Variants in ZNF469 observed in about 807,000 individuals in gnomAD.
ZNF469 encodes the protein zinc finger protein 469.
In ZNF469, 1 loss-of-function variant was observed where a neutral mutation model predicts 1.0. That is an observed-to-expected ratio of 1.00 (90% confidence interval 0.35 to 4.73). The LOEUF (loss-of-function observed/expected upper bound fraction) is 4.73. Ranked by LOEUF, ZNF469 falls within the 30% of genes most tolerant of loss-of-function variation. The pLI is 0.16. For synonymous variants in ZNF469, 2,703 were observed against 2,363.4 expected, an observed-to-expected ratio of 1.14 and a Z score of -4.17; for missense variants, 6,100 against 5,356.3, an observed-to-expected ratio of 1.14 and a Z score of -4.33.
chr16:88,341,685 G>C, the ZNF469 span, among the ~76,000 whole-genome samples: 2 of 152,312 alleles, frequency 1.3e-5, no homozygotes, highest in Admixed American at 6.5e-5. Flanking sequence ...TGCCATCTGC[G>C]GGGGCATGGA....
upstream of ZNF469, among the ~76,000 whole-genome samples, chr16:88,380,927 GACAC>G (rs2142256723): frequency 3.5e-5 from 1 of 28,450 alleles, no homozygotes; most frequent in Admixed American, 4.5e-4. Flanking sequence ...CACTCACACA[GACAC>G]GCACTCACAC....
the ZNF469 span, among the ~76,000 whole-genome samples, chr16:88,317,367 C>T: frequency 6.6e-6 from 1 of 152,222 alleles, no homozygotes; most frequent in Non-Finnish European, 1.5e-5. Flanking sequence ...GCGGGTGAAA[C>T]GTGGTCCTAG....
At chr16:88,315,058 T>A in the ZNF469 span, among the ~76,000 whole-genome samples, 1 of 152,260 alleles carries the variant, frequency 6.6e-6, no homozygotes, top group African/African-American at 2.4e-5. Context: ...GTAATTATGC[T>A]GAGGAAGTGT....
At chr16:88,380,756 TCACAGACGTCCTCACA>T (rs2092520375), upstream of ZNF469, among the ~76,000 whole-genome samples, 1 of 89,532 alleles carries the variant, frequency 1.1e-5, no homozygotes. Context: ...AGACATGCAC[TCACAGACGTCCTCACA>T]CACATGCACT....
the ZNF469 span, among the ~76,000 whole-genome samples, chr16:88,240,798 A>G: frequency 6.6e-6 from 1 of 152,176 alleles, no homozygotes; most frequent in African/African-American, 2.4e-5. Context: ...TGAAAAGAAA[A>G]GCCCCTTGTG....
At chr16:88,209,157 C>A in the ZNF469 span, among the ~76,000 whole-genome samples, 2 of 152,080 alleles carry the variant, frequency 1.3e-5, no homozygotes, top group Admixed American at 6.5e-5. Context: ...AAACAAAACC[C>A]TACACACACA....
Position 88,430,033 on chromosome 16 carries a change from T to C in ZNF469, c.2563T>C (p.Ser855Pro). ...TEALNGMEYQ[S>P]DNPEIDSSFI... ...GGCGCTCAACGGCATGGAGTACCAG[T>C]CGGACAACCCGGAGATCGACAGCAG... The change falls in exon 3 of 3, where the codon TCG becomes CCG. Residue 855 changes from serine to proline, a missense_variant. Transcript: ENST00000565624. 15 of 1,550,320 alleles carry C rather than the reference T, an allele frequency of 9.7e-6. No homozygotes were observed. The highest frequency in any genetic ancestry group is 1.3e-5 in the Non-Finnish European group (15 of 1,146,962).
the ZNF469 span, among the ~76,000 whole-genome samples, chr16:88,329,625 C>T: frequency 5.3e-5 from 8 of 152,310 alleles, no homozygotes; most frequent in South Asian, 2.1e-4. Context: ...ATCCTGGGAG[C>T]GCTTCGGTCC....
At chr16:88,259,723 G>A in the ZNF469 span, among the ~76,000 whole-genome samples, 4,937 of 152,178 alleles carry the variant, frequency 0.032, 117 homozygotes, top group South Asian at 0.067. This position sits in a 1 kb window ranked among gnomAD's most constrained non-coding sequence, Gnocchi z 4.1. Flanking sequence ...ATGTCCCAGG[G>A]TCTCCACACA....
the ZNF469 span, among the ~76,000 whole-genome samples, chr16:88,375,143 C>G: frequency 6.6e-6 from 1 of 152,234 alleles, no homozygotes; most frequent in Non-Finnish European, 1.5e-5. Flanking sequence ...AAATAGAATT[C>G]ATGACCAGCG....
rs1281221958 is a variant in ZNF469 at position 88,435,982 on chromosome 16, A to T, written c.8512A>T (p.Thr2838Ser). 1 of 1,547,230 alleles carries T rather than the reference A, an allele frequency of 6.5e-7. No homozygotes were observed. Among genetic ancestry groups the T allele is most frequent in the South Asian group, 1.2e-5 (1 of 83,996 alleles). The change falls in exon 3 of 3, where the codon ACT (threonine) becomes TCT (serine). Residue 2838 changes from threonine to serine, a missense_variant. Transcript: ENST00000565624. Reference sequence around the variant, plus strand: ...TGGAGTCCAGGGGCCTGAAGGCCCCACTCCTGATGCCTCTGGCTCCAGTGC... The same window carrying T: ...TGGAGTCCAGGGGCCTGAAGGCCCCTCTCCTGATGCCTCTGGCTCCAGTGC... ...QGGVQGPEGP[T>S]PDASGSSAKD...
At chr16:88,227,821 G>C in the ZNF469 span, among the ~76,000 whole-genome samples, 1 of 152,156 alleles carries the variant, frequency 6.6e-6, no homozygotes, top group Admixed American at 6.5e-5. Flanking sequence ...TGGCATCAAG[G>C]AGCCGGCCCA....
the ZNF469 span, among the ~76,000 whole-genome samples, chr16:88,148,608 T>A: frequency 6.6e-6 from 1 of 152,142 alleles, no homozygotes; most frequent in Non-Finnish European, 1.5e-5. Flanking sequence ...AGCTCCCAGG[T>A]CACTGGTGTC....
At chr16:88,308,870 G>T in the ZNF469 span, among the ~76,000 whole-genome samples, 383 of 152,260 alleles carry the variant, frequency 2.5e-3, 1 homozygote, top group Non-Finnish European at 4.1e-3. Context: ...CTGACCAGTG[G>T]CCCAGCCTCT....
the ZNF469 span, among the ~76,000 whole-genome samples, chr16:88,374,780 T>A: frequency 6.9e-6 from 1 of 144,352 alleles, no homozygotes; most frequent in East Asian, 1.9e-4. Flanking sequence ...GTATGCCAAG[T>A]GGGCTGAGAT....
At chr16:88,136,530 C>T in the ZNF469 span, among the ~76,000 whole-genome samples, 71 of 152,346 alleles carry the variant, frequency 4.7e-4, no homozygotes, top group African/African-American at 1.6e-3. Flanking sequence ...GTTGTGTGCT[C>T]CTGGTCAGCA....
chr16:88,153,260 C>T, the ZNF469 span, among the ~76,000 whole-genome samples: 1 of 152,180 alleles, frequency 6.6e-6, no homozygotes, highest in Non-Finnish European at 1.5e-5. Flanking sequence ...TCCGGGGTGT[C>T]CCCTCGCCTT....
intron 1 of ZNF469, among the ~76,000 whole-genome samples, chr16:88,388,092 C>A (rs1904385155): frequency 6.6e-6 from 1 of 152,230 alleles, no homozygotes; most frequent in East Asian, 1.9e-4. Flanking sequence ...CAGAGGGGCT[C>A]CCCAGAGAGG....
At chr16:88,179,096 G>A in the ZNF469 span, among the ~76,000 whole-genome samples, 12 of 152,172 alleles carry the variant, frequency 7.9e-5, no homozygotes, top group Non-Finnish European at 1.5e-4. Flanking sequence ...AATTTTGTCC[G>A]GAGCAGTCAT....
Sources: gnomAD v4.1 joint callset for allele counts (sites outside exome capture counted in the v4.1 genomes callset) on GRCh38, gnomAD v4.1.1 for gene constraint, Gnocchi (gnomAD v3.1) non-coding constraint, MANE v1.5 for transcripts, NCBI Gene and HGNC (gene_info 2026-07-23, HGNC 2026-07-21) for gene names.